The following CPNE5 variants were observed in gnomAD, a reference collection of about 807,000 sequenced individuals.
The protein encoded by CPNE5 is copine-5.
A neutral mutation model predicts 81.1 loss-of-function variants in CPNE5; 42 were observed. That is an observed-to-expected ratio of 0.52 (90% CI 0.40 to 0.67). CPNE5 has a LOEUF of 0.67. Among genes scored for constraint, CPNE5 ranks in the 30% least tolerant of loss-of-function variants. The pLI, the probability that CPNE5 is intolerant of heterozygous loss-of-function variation, is 0.00. For missense variants in CPNE5, 612 were observed against 815.5 expected, an observed-to-expected ratio of 0.75 and a Z score of 3.04; for synonymous variants, 313 against 321.5, an observed-to-expected ratio of 0.97 and a Z score of 0.28.
At chr6:36,813,974 T>C (rs1455686173) in intron 3 of CPNE5, among the ~76,000 whole-genome samples, 1 of 152,220 alleles carries the variant, frequency 6.6e-6, no homozygotes, top group African/African-American at 2.4e-5. Context: ...TCTTAGCCCC[T>C]TTTTATCGAT....
intron 12 of CPNE5, among the ~76,000 whole-genome samples, chr6:36,757,114 A>G (rs1027019036): frequency 2.0e-5 from 3 of 152,128 alleles, no homozygotes; most frequent in African/African-American, 7.2e-5. Context: ...AGACTGGGCA[A>G]AGTGACGAGA....
At chr6:36,818,911 G>A (rs192107238) in intron 3 of CPNE5, among the ~76,000 whole-genome samples, 85 of 152,270 alleles carry the variant, frequency 5.6e-4, no homozygotes, top group African/African-American at 1.9e-3. Flanking sequence ...CATGAATCAC[G>A]AGGACATGAA....
chr6:36,754,936 T>G (rs2150388840), intron 13 of CPNE5: 1 of 152,302 alleles, frequency 6.6e-6, no homozygotes, highest in East Asian at 1.9e-4. Context: ...CCTGCCCAAA[T>G]GCTGACAGCC....
intron 9 of CPNE5, among the ~76,000 whole-genome samples, chr6:36,776,399 T>A (rs1370668654): frequency 6.6e-6 from 1 of 152,152 alleles, no homozygotes; most frequent in Non-Finnish European, 1.5e-5. Context: ...TGGAGATGCA[T>A]GTGGGAGACC....
intron 1 of CPNE5, among the ~76,000 whole-genome samples, chr6:36,829,850 C>CAAA (rs1224687378): frequency 6.8e-4 from 32 of 47,330 alleles, no homozygotes; most frequent in African/African-American, 1.8e-3. Flanking sequence ...GTAGGAATTG[C>CAAA]AAAAAAAAAA....
At chr6:36,758,685 C>A (rs1765729937) in intron 12 of CPNE5, among the ~76,000 whole-genome samples, 1 of 152,178 alleles carries the variant, frequency 6.6e-6, no homozygotes, top group Non-Finnish European at 1.5e-5. Flanking sequence ...AGTGACCACG[C>A]CTCTTGGGCC....
chr6:36,756,325 A>G (rs746660390), intron 12 of CPNE5, 27 bp from the exon 13 acceptor site: 1 of 1,609,610 alleles, frequency 6.2e-7, no homozygotes, highest in South Asian at 1.1e-5. Flanking sequence ...TTACCAGGTA[A>G]GGCATGCTTC....
At chr6:36,744,395 CAGGGGTAGGACAGGA>C (rs1763894588) in intron 18 of CPNE5, 70 bp from the exon 19 acceptor site, 1 of 1,249,542 alleles carries the variant, frequency 8.0e-7, no homozygotes, top group African/African-American at 1.5e-5. Context: ...AAGGAGAAAT[CAGGGGTAGGACAGGA>C]AGGGGTGGGC....
intron 3 of CPNE5, among the ~76,000 whole-genome samples, chr6:36,805,487 C>A (rs1419846547): frequency 6.6e-6 from 1 of 152,226 alleles, no homozygotes; most frequent in Non-Finnish European, 1.5e-5. Flanking sequence ...TTCTGATAAA[C>A]AAAGGCTGAA....
intron 3 of CPNE5, among the ~76,000 whole-genome samples, chr6:36,811,711 T>C (rs893330559): frequency 6.6e-6 from 1 of 152,070 alleles, no homozygotes; most frequent in South Asian, 2.1e-4. Context: ...TACACAGAAA[T>C]AATGAACACC....
intron 1 of CPNE5, among the ~76,000 whole-genome samples, chr6:36,834,890 C>A (rs961062453): frequency 6.6e-6 from 1 of 152,140 alleles, no homozygotes; most frequent in Non-Finnish European, 1.5e-5. Context: ...CCTCTCCCTG[C>A]CTGTCAGAAG....
chr6:36,742,292 C>T lies in CPNE5; in HGVS notation c.1758G>A (p.Ala586=), dbSNP rs150763631. The T allele has an allele frequency of 2.1e-5, 34 of 1,598,008 alleles. 1 individual carries two copies. Among genetic ancestry groups the T allele is most frequent in the Non-Finnish European group, 2.5e-5 (29 of 1,174,586 alleles). The change falls in exon 21 of 21, where the codon GCG becomes GCA. Residue 586 remains alanine (A), a synonymous_variant. Transcript: ENST00000244751. The part of the protein sequence containing the change: ...PSQSPARTPP[A]SPLHTHI ...TTCAGATGTGCGTGTGCAGGGGGGA[C>T]GCAGGGGGCGTGCGGGCTGGGGACT...
chr6:36,805,682 G>A (rs1374365516), intron 3 of CPNE5, among the ~76,000 whole-genome samples: 3 of 151,952 alleles, frequency 2.0e-5, no homozygotes, highest in Non-Finnish European at 4.4e-5. Flanking sequence ...CTGGGCAGAA[G>A]GAAAGAAAAA....
At chr6:36,803,965 GAGGA>G (rs1770361826) in intron 3 of CPNE5, among the ~76,000 whole-genome samples, 1 of 152,178 alleles carries the variant, frequency 6.6e-6, no homozygotes, top group South Asian at 2.1e-4. Flanking sequence ...AATACAGCAG[GAGGA>G]AGGAAGTAAA....
At chr6:36,785,958 A>C (rs1768497086) in intron 8 of CPNE5, among the ~76,000 whole-genome samples, 1 of 146,854 alleles carries the variant, frequency 6.8e-6, no homozygotes, top group Non-Finnish European at 1.5e-5. Context: ...GGTTGTAGTC[A>C]GCCGAGACCG....
chr6:36,836,097 G>A (rs992003445), intron 1 of CPNE5, among the ~76,000 whole-genome samples: 1 of 152,198 alleles, frequency 6.6e-6, no homozygotes, highest in Non-Finnish European at 1.5e-5. Flanking sequence ...ATTCATAACC[G>A]TTGTGCCAAA....
In CPNE5 at chr6:36,784,968, G is replaced by C. The variant is rs1426882843; in HGVS notation, c.529-6011C>G. On this transcript the variant is annotated intron_variant, in intron 8 of 20. Transcript: ENST00000244751. ...AGAGAGGAAAAAAAAAAAAAGAAAA[G>C]AAATGCCATTCCCACCAGAAACATC... Among the ~76,000 whole-genome samples the C allele has an allele frequency of 2.7e-5, 4 of 146,544 alleles. No homozygotes were observed. In the East Asian group the frequency reaches 6.0e-4, roughly 22 times the overall value.
intron 2 of CPNE5, 114 bp from the exon 3 acceptor site, chr6:36,822,274 A>G (rs1772122273): frequency 2.5e-6 from 2 of 787,752 alleles, no homozygotes; most frequent in Non-Finnish European, 3.9e-6. Context: ...CCTGGGTAGC[A>G]CTGTTGGATC....
At chr6:36,824,178 TC>T (rs140576862) in intron 1 of CPNE5, among the ~76,000 whole-genome samples, 3,049 of 152,268 alleles carry the variant, frequency 0.02, 83 homozygotes, top group African/African-American at 0.068. Flanking sequence ...GCGGGCTTTC[TC>T]GGGCAGGCTG....
Sources: gnomAD v4.1 joint callset for allele counts (sites outside exome capture counted in the v4.1 genomes callset) on GRCh38, gnomAD v4.1.1 for gene constraint, MANE v1.5 for transcripts, NCBI Gene and HGNC (gene_info 2026-07-23, HGNC 2026-07-21) for gene names.